The following SDAD1 variants were observed in gnomAD, a reference collection of about 807,000 sequenced individuals.
SDAD1 encodes the protein SDA1 domain containing 1.
Under a neutral mutation model 100.3 loss-of-function variants are expected in SDAD1, and 79 were observed. The observed-to-expected ratio is 0.79, with a 90% CI of 0.66 to 0.95. The LOEUF is 0.95. SDAD1 is among the 40% of genes least tolerant of loss of function. SDAD1 has a pLI of 0.00. For synonymous variants in SDAD1, 267 were observed against 271.4 expected, an observed-to-expected ratio of 0.98 and a Z score of 0.16; for missense variants, 790 against 810.9, an observed-to-expected ratio of 0.97 and a Z score of 0.31.
At chr4:75,972,336 C>T (rs1487510231) in intron 8 of SDAD1, among the ~76,000 whole-genome samples, 2 of 151,448 alleles carry the variant, frequency 1.3e-5, no homozygotes, top group East Asian at 1.9e-4. Flanking sequence ...AACCTTGCTA[C>T]TGCTCACTCT....
chr4:75,956,335 A>G (rs1728891102), intron 20 of SDAD1, among the ~76,000 whole-genome samples, 199 bp from the exon 21 acceptor site: 1 of 152,194 alleles, frequency 6.6e-6, no homozygotes, highest in Admixed American at 6.5e-5. Flanking sequence ...CGGTGGAAGA[A>G]AAGTCATAAT....
chr4:75,980,047 G>A (rs886789748), intron 3 of SDAD1, among the ~76,000 whole-genome samples: 2 of 152,060 alleles, frequency 1.3e-5, no homozygotes, highest in Non-Finnish European at 2.9e-5. Flanking sequence ...GGTACTGCCA[G>A]GAAAATAAAA....
chr4:75,951,883 C>G (rs1293016509), intron 21 of SDAD1, among the ~76,000 whole-genome samples: 1 of 152,150 alleles, frequency 6.6e-6, no homozygotes, highest in Non-Finnish European at 1.5e-5. Context: ...TTTTAAAAAT[C>G]TCTAGCTTTT....
chr4:75,989,272 A>G (rs1731090322), intron 1 of SDAD1, among the ~76,000 whole-genome samples: 1 of 152,162 alleles, frequency 6.6e-6, no homozygotes, highest in Non-Finnish European at 1.5e-5. Flanking sequence ...AATGATGTTT[A>G]CCTGCCTGGC....
At chr4:75,958,786 T>G (rs953853611) in intron 17 of SDAD1, among the ~76,000 whole-genome samples, 2 of 135,702 alleles carry the variant, frequency 1.5e-5, no homozygotes, top group Non-Finnish European at 3.1e-5. Context: ...TCACCATCTC[T>G]CCAAAGCCCT....
At chr4:75,966,264 GCATA>G (rs749131198) in intron 12 of SDAD1, among the ~76,000 whole-genome samples, 8 of 107,888 alleles carry the variant, frequency 7.4e-5, no homozygotes, top group African/African-American at 2.2e-4. Context: ...CTGAATGAAT[GCATA>G]CACACACACA....
chr4:75,962,247 C>CCCCCT (rs1729286325), intron 14 of SDAD1, among the ~76,000 whole-genome samples: 1 of 152,196 alleles, frequency 6.6e-6, no homozygotes, highest in Non-Finnish European at 1.5e-5. Flanking sequence ...TTTATGGCTG[C>CCCCCT]ATAGTATTCC....
chr4:75,977,259 C>G (rs1379857585), intron 4 of SDAD1, among the ~76,000 whole-genome samples: 1 of 152,162 alleles, frequency 6.6e-6, no homozygotes, highest in African/African-American at 2.4e-5. Flanking sequence ...CAGTATGGTG[C>G]AGTAGTAAAA....
In SDAD1 at chr4:75,975,737, A is replaced by G. The variant is rs779660640; in HGVS notation, c.578+7T>C. 7 of 1,592,460 alleles carry G rather than the reference A, an allele frequency of 4.4e-6. No individual in the cohort carries two copies. In the South Asian group the frequency reaches 6.6e-5, roughly 15 times the overall value. ...TACTTCTCAAGAGACAAATATATATACACTACCAGATGTTCCTTCTGTAGA... is the reference window on the plus strand; with the variant it reads ...TACTTCTCAAGAGACAAATATATATGCACTACCAGATGTTCCTTCTGTAGA... On this transcript the variant is annotated splice_region_variant and intron_variant, in intron 6 of 21. Transcript: ENST00000356260.
Position 75,957,863 on chromosome 4 carries a change from TCATCGGAAGAGTGTTGCA to T in SDAD1, c.1544_1561del (p.Val515_Asp520del). On this transcript the variant is annotated inframe_deletion, in exon 18 of 22. Coordinates refer to ENST00000356260, the MANE Select transcript of SDAD1 (RefSeq NM_018115.4). ...CAGACTTACGATTTCTTGCTGTTCTTCATCGGAAGAGTGTTGCACATCAATCCATTCACCATCAGCATC... is the reference window on the plus strand; with the variant it reads ...CAGACTTACGATTTCTTGCTGTTCTTCATCAATCCATTCACCATCAGCATC... 1 of 1,614,072 alleles carries T rather than the reference TCATCGGAAGAGTGTTGCA, an allele frequency of 6.2e-7. No individual in the cohort carries two copies. Among genetic ancestry groups the T allele is most frequent in the Non-Finnish European group, 8.5e-7 (1 of 1,179,992 alleles).
At position 75,990,886 on chromosome 4, in the gene SDAD1, C is replaced by CACCT. The variant is rs772851496; in HGVS notation, c.-46_-45insAGGT. ...CGCGGCGAGCAGTTTTAAAAAAACT[C>CACCT]AGACGGCCGGCACCCCGCAATCCCT... is the stretch of plus-strand genomic sequence containing the variant. On this transcript the variant is annotated 5_prime_UTR_variant, in exon 1 of 22. Coordinates refer to ENST00000356260, the MANE Select transcript of SDAD1 (RefSeq NM_018115.4). 3 of 1,612,770 alleles carry CACCT rather than the reference C, an allele frequency of 1.9e-6. No homozygotes were observed. Among genetic ancestry groups the CACCT allele is most frequent in the Non-Finnish European group, 2.5e-6 (3 of 1,179,388 alleles).
At position 75,969,361 on chromosome 4, in the gene SDAD1, T is replaced by G. The variant is rs541131534; in HGVS notation, c.922A>C (p.Lys308Gln). Residue 308 changes from lysine (K) to glutamine (Q), a missense_variant, in exon 11 of 22, where the codon AAG becomes CAG. By Grantham distance (53) the Lys-to-Gln change is moderately conservative. Coordinates refer to ENST00000356260, the MANE Select transcript of SDAD1 (RefSeq NM_018115.4). ...EKLLKQLECC[K>Q]ERFEVKMMLM... ...ATCATCTTCACTTCAAACCTCTCCT[T>G]ACAGCACTCAAGCTGCTTTAGTAGT... is the stretch of plus-strand genomic sequence containing the variant. 14 of 1,613,856 alleles carry G rather than the reference T, an allele frequency of 8.7e-6. No individual in the cohort carries two copies. The African/African-American group carries it at 1.6e-4, about 18-fold the overall frequency.
chr4:75,961,174 G>C, intron 15 of SDAD1, 37 bp downstream of exon 15: 1 of 1,598,838 alleles, frequency 6.3e-7, no homozygotes, highest in Non-Finnish European at 8.6e-7. Flanking sequence ...GAGTCACACT[G>C]TACTCTTTGG....
At chr4:75,976,359 T>C (rs1730160321) in intron 4 of SDAD1, among the ~76,000 whole-genome samples, 1 of 152,184 alleles carries the variant, frequency 6.6e-6, no homozygotes, top group Non-Finnish European at 1.5e-5. Flanking sequence ...ATGTGGTATA[T>C]CCATACAATG....
In SDAD1 at chr4:75,960,123, T is replaced by G. The variant is rs773128775; in HGVS notation, c.1426A>C (p.Ile476Leu). 7.4e-6 allele frequency: 12 copies of G among 1,611,898 alleles called. No homozygotes were observed. The highest frequency in any genetic ancestry group is 1.3e-5 in the African/African-American group (1 of 74,872). Residue 476 changes from isoleucine to leucine, a missense_variant, in exon 17 of 22, where the codon ATT becomes CTT. By Grantham distance (5) the Ile-to-Leu change is conservative. Coordinates refer to ENST00000356260, the MANE Select transcript of SDAD1 (RefSeq NM_018115.4). ...ACTTCCAGAACTTCTGCTCCTGGAA[T>G]GTAATCTTTAGCATCTAATTCTCCA... is the stretch of plus-strand genomic sequence containing the variant. ...EYGELDAKDY[I>L]PGAEVLEVEK...
At position 75,957,648 on chromosome 4, in the gene SDAD1, T is replaced by C. The variant is rs1011001747; in HGVS notation, c.1639A>G (p.Thr547Ala). ...ERKAKAAAIS[T>A]SRVLTQEDFQ... Reference sequence around the variant, plus strand: ...TCTTCCTGAGTTAAAACTCGGCTAGTGCTGATGGCTGCAGCTTTGGCCTTC... The same window carrying C: ...TCTTCCTGAGTTAAAACTCGGCTAGCGCTGATGGCTGCAGCTTTGGCCTTC... Residue 547 changes from threonine (T) to alanine (A), a missense_variant, in exon 19 of 22, where the codon ACT becomes GCT. Thr to Ala is a moderately conservative substitution (Grantham distance 58). Coordinates refer to ENST00000356260, the MANE Select transcript of SDAD1 (RefSeq NM_018115.4). 6.2e-7 allele frequency: 1 copy of C among 1,614,102 alleles called. No homozygotes were observed. Among genetic ancestry groups the C allele is most frequent in the Non-Finnish European group, 8.5e-7 (1 of 1,180,052 alleles).
intron 1 of SDAD1, among the ~76,000 whole-genome samples, chr4:75,989,421 C>T (rs1236936295): frequency 6.6e-6 from 1 of 152,072 alleles, no homozygotes; most frequent in African/African-American, 2.4e-5. Context: ...GAATGTAAGT[C>T]CAAGAGAAGA....
intron 1 of SDAD1, among the ~76,000 whole-genome samples, chr4:75,987,263 C>T (rs991282100): frequency 4.6e-5 from 7 of 152,110 alleles, no homozygotes; most frequent in African/African-American, 1.7e-4. Flanking sequence ...CAAAAGAAAC[C>T]CCAATCCATT....
At chr4:75,985,368 T>C (rs780462490) in intron 1 of SDAD1, among the ~76,000 whole-genome samples, 1 of 152,172 alleles carries the variant, frequency 6.6e-6, no homozygotes, top group Non-Finnish European at 1.5e-5. Flanking sequence ...ACGTCGTTTC[T>C]TTCTCCCAGC....
Sources: gnomAD v4.1 joint callset for allele counts (sites outside exome capture counted in the v4.1 genomes callset) on GRCh38, gnomAD v4.1.1 for gene constraint, MANE v1.5 for transcripts, NCBI Gene and HGNC (gene_info 2026-07-23, HGNC 2026-07-21) for gene names.